The following KLRG1 variants were observed in gnomAD, a reference collection of about 807,000 sequenced individuals.
The protein encoded by KLRG1 is killer cell lectin-like receptor subfamily G member 1.
Under a neutral mutation model 21.8 loss-of-function variants are expected in KLRG1, and 16 were observed. That is an observed-to-expected ratio of 0.73 (90% confidence interval 0.50 to 1.11). KLRG1 has a LOEUF of 1.11. Among genes scored for constraint, KLRG1 ranks in the 50% most tolerant of loss-of-function variants. KLRG1 has a pLI of 0.00. For synonymous variants in KLRG1, 69 were observed against 75.9 expected (o/e 0.91, Z 0.47); for missense variants, 173 against 218.3 (o/e 0.79, Z 1.31).
At chr12:9,116,636 T>C in the KLRG1 span, among the ~76,000 whole-genome samples, 3 of 152,196 alleles carry the variant, frequency 2.0e-5, no homozygotes, top group African/African-American at 7.2e-5. Context: ...CTGCAAACTT[T>C]AAGTCATATA....
chr12:9,181,231 G>A, the KLRG1 span: 1 of 1,443,494 alleles, frequency 6.9e-7, no homozygotes, highest in Non-Finnish European at 9.5e-7. Flanking sequence ...CAGTTCATAT[G>A]ACTATGTTGG....
At chr12:9,135,917 T>G in the KLRG1 span, among the ~76,000 whole-genome samples, 1 of 152,206 alleles carries the variant, frequency 6.6e-6, no homozygotes, top group Non-Finnish European at 1.5e-5. Context: ...AACCTTTCTC[T>G]GTAGTAGATC....
the KLRG1 span, among the ~76,000 whole-genome samples, chr12:9,027,103 A>G: frequency 6.6e-6 from 1 of 152,034 alleles, no homozygotes; most frequent in African/African-American, 2.4e-5. Context: ...ACATTGTGGA[A>G]TGGGTAAATA....
the KLRG1 span, chr12:9,160,585 T>C: frequency 8.7e-7 from 1 of 1,152,456 alleles, no homozygotes; most frequent in Non-Finnish European, 1.3e-6. Context: ...GAGTCTATCA[T>C]TTAGGTAAGA....
the KLRG1 span, chr12:9,158,655 C>A: frequency 2.8e-6 from 4 of 1,417,624 alleles, no homozygotes; most frequent in Admixed American, 2.2e-5. Flanking sequence ...ACAGGCTCCC[C>A]CATCACAGTG....
At chr12:9,104,275 G>A in the KLRG1 span, 1 of 1,613,028 alleles carries the variant, frequency 6.2e-7, no homozygotes, top group East Asian at 2.2e-5. Context: ...CATTGGTGGT[G>A]TTGATAGAGA....
the KLRG1 span, among the ~76,000 whole-genome samples, chr12:9,174,816 A>G: frequency 6.6e-6 from 1 of 152,356 alleles, no homozygotes; most frequent in East Asian, 1.9e-4. Flanking sequence ...CATAGAGGAC[A>G]CAAACAAATG....
the KLRG1 span, chr12:9,202,627 G>A: frequency 6.2e-7 from 1 of 1,614,026 alleles, no homozygotes; most frequent in Non-Finnish European, 8.5e-7. Context: ...TCTTGCGTAG[G>A]CCCCTTTATC....
the KLRG1 span, chr12:9,076,815 C>A: frequency 6.2e-7 from 1 of 1,614,026 alleles, no homozygotes; most frequent in East Asian, 2.2e-5. Context: ...GTCCTGGTTA[C>A]CTGCCAGGGC....
At chr12:9,182,085 C>G in the KLRG1 span, 1 of 1,612,672 alleles carries the variant, frequency 6.2e-7, no homozygotes, top group Non-Finnish European at 8.5e-7. Flanking sequence ...ACGTCTGACT[C>G]CACAGGGAAG....
At chr12:9,072,267 T>G in the KLRG1 span, 5 of 1,437,626 alleles carry the variant, frequency 3.5e-6, no homozygotes, top group Non-Finnish European at 4.8e-6. Flanking sequence ...AGTGCAAATA[T>G]CTACTGTTGC....
At chr12:9,140,468 G>A in the KLRG1 span, among the ~76,000 whole-genome samples, 32 of 152,280 alleles carry the variant, frequency 2.1e-4, no homozygotes, top group Admixed American at 6.5e-4. Flanking sequence ...AAAGGGCCAC[G>A]TGTTATTTTC....
At chr12:9,038,159 G>T in the KLRG1 span, among the ~76,000 whole-genome samples, 1 of 152,148 alleles carries the variant, frequency 6.6e-6, no homozygotes, top group African/African-American at 2.4e-5. Context: ...TATTCAGGAG[G>T]CTGAGGCTGG....
At chr12:9,016,167 A>T in the KLRG1 span, among the ~76,000 whole-genome samples, 1 of 152,122 alleles carries the variant, frequency 6.6e-6, no homozygotes, top group South Asian at 2.1e-4. Context: ...TCAGAGGAGA[A>T]GTAAATGAAA....
At chr12:9,075,951 GA>G in the KLRG1 span, among the ~76,000 whole-genome samples, 1 of 152,126 alleles carries the variant, frequency 6.6e-6, no homozygotes, top group Admixed American at 6.5e-5. Flanking sequence ...ATTTTAAGAA[GA>G]ATTAATGGCT....
At chr12:8,972,510 G>C (rs1037987719) in intron 1 of KLRG1, among the ~76,000 whole-genome samples, 1 of 152,162 alleles carries the variant, frequency 6.6e-6, no homozygotes, top group Non-Finnish European at 1.5e-5. Context: ...GTTAAGTCCA[G>C]TTTCATTCTT....
the KLRG1 span, chr12:9,027,629 G>A: frequency 1.1e-6 from 1 of 879,790 alleles, no homozygotes; most frequent in Non-Finnish European, 1.9e-6. Context: ...CACCACAGGG[G>A]CCAGAGCTTC....
chr12:9,011,823 T>G (rs1947636006), downstream of KLRG1, among the ~76,000 whole-genome samples: 1 of 151,774 alleles, frequency 6.6e-6, no homozygotes, highest in African/African-American at 2.4e-5. Flanking sequence ...GGAGGAAGAG[T>G]GCTGTGATTA....
chr12:9,076,862 G>A, the KLRG1 span: 1 of 1,613,674 alleles, frequency 6.2e-7, no homozygotes, highest in Non-Finnish European at 8.5e-7. Flanking sequence ...TATATACATG[G>A]CTGCCATGGT....
Sources: gnomAD v4.1 joint callset for allele counts (sites outside exome capture counted in the v4.1 genomes callset) on GRCh38, gnomAD v4.1.1 for gene constraint, MANE v1.5 for transcripts, NCBI Gene and HGNC (gene_info 2026-07-23, HGNC 2026-07-21) for gene names.